PRKAA1: variants seen among roughly 807,000 people sequenced by gnomAD.
The protein encoded by PRKAA1 is 5'-AMP-activated protein kinase catalytic subunit alpha-1.
A neutral mutation model predicts 56.9 loss-of-function variants in PRKAA1; 23 were observed. The ratio of observed to expected loss-of-function variants is 0.40; its 90% CI spans 0.29 to 0.57. The LOEUF is 0.57. Ranked by LOEUF, PRKAA1 falls within the 20% of genes least tolerant of loss-of-function variation. The pLI, the probability that PRKAA1 is intolerant of heterozygous loss-of-function variation, is 0.39. For synonymous variants in PRKAA1, 226 were observed against 227.0 expected (o/e 1.00, Z 0.04); for missense variants, 413 against 679.7 (o/e 0.61, Z 4.36).
At chr5:40,777,703 G>A (rs1744077514) in intron 1 of PRKAA1, 117 bp from the exon 2 acceptor site, 1 of 956,916 alleles carries the variant, frequency 1.0e-6, no homozygotes, top group Admixed American at 2.9e-5. Flanking sequence ...GGAGGCCGAG[G>A]CGAGTAGATC....
intron 8 of PRKAA1, chr5:40,764,309 A>G (rs560318941): frequency 4.3e-6 from 2 of 464,330 alleles, no homozygotes; most frequent in Non-Finnish European, 7.4e-6. Flanking sequence ...ACAAGATGAT[A>G]ATCTTAAAAG....
chr5:40,798,284 T>A lies in PRKAA1; in HGVS notation c.-95A>T. 1 of 708,884 alleles carries A rather than the reference T, an allele frequency of 1.4e-6. No homozygotes were observed. Among genetic ancestry groups the A allele is most frequent in the Non-Finnish European group, 2.0e-6 (1 of 503,140 alleles). The allele number at this position is 708,884 out of a possible 1,614,324, so 43.9% of individuals were successfully genotyped here. ...GCGGGAGGGCAGCCACCGAGCCGAG[T>A]CACCGCCCTGCGCCGCCAGCCCAGG... On this transcript the variant is annotated 5_prime_UTR_variant, in exon 1 of 9. Transcript: ENST00000397128.
Position 40,759,922 on chromosome 5 carries a change from A to G in PRKAA1, c.*2856T>C, listed in dbSNP as rs1743097304. The G allele has an allele frequency of 6.6e-6, 1 of 152,640 alleles. No individual in the cohort carries two copies. Among genetic ancestry groups the G allele is most frequent in the Non-Finnish European group, 1.5e-5 (1 of 68,028 alleles). 9.5% of individuals were successfully genotyped at this position (152,640 alleles called of 1,614,324 possible). A position where few individuals can be genotyped will look rare whatever the true frequency, so the allele number is the denominator to read the frequency against. On this transcript the variant is annotated 3_prime_UTR_variant, in exon 9 of 9. Transcript: ENST00000397128. ...CCAACCTGGTAGAAAAGTTCCTCTC[A>G]GTGAGAAATCATTTATTTTAATGGC... is the stretch of plus-strand genomic sequence containing the variant.
intron 1 of PRKAA1, among the ~76,000 whole-genome samples, chr5:40,779,536 C>G: frequency 6.6e-6 from 1 of 152,020 alleles, no homozygotes; most frequent in East Asian, 1.9e-4. Flanking sequence ...ATAATAGGAA[C>G]AGAGAAAATG....
Position 40,759,677 on chromosome 5 carries a change from G to A in PRKAA1, c.*3101C>T, listed in dbSNP as rs1247738714. 1 of 152,278 alleles carries A rather than the reference G, an allele frequency of 6.6e-6. No individual in the cohort carries two copies. The highest frequency in any genetic ancestry group is 2.4e-5 in the African/African-American group (1 of 41,420). 9.4% of individuals were successfully genotyped at this position (152,278 alleles called of 1,614,324 possible). A position where few individuals can be genotyped will look rare whatever the true frequency, so the allele number is the denominator to read the frequency against. The stretch of plus-strand genomic sequence containing the variant: ...GCCAGTCAGAACACAGATCCATGGA[G>A]TTCCACATCTAGCCCCAGGCTACCA... On this transcript the variant is annotated 3_prime_UTR_variant, in exon 9 of 9. Coordinates refer to ENST00000397128, the MANE Select transcript of PRKAA1 (RefSeq NM_006251.6).
At chr5:40,767,827 A>G (rs946142985) in intron 5 of PRKAA1, 137 bp from the exon 6 acceptor site, 35 of 708,296 alleles carry the variant, frequency 4.9e-5, no homozygotes, top group Non-Finnish European at 7.4e-5. Flanking sequence ...ACATGTTACA[A>G]CGTTAATTCC....
intron 6 of PRKAA1, among the ~76,000 whole-genome samples, chr5:40,765,804 A>G (rs1382889334): frequency 6.6e-6 from 1 of 152,190 alleles, no homozygotes; most frequent in Non-Finnish European, 1.5e-5. Context: ...AAGTGACAGA[A>G]CCAGGATTAT....
chr5:40,792,876 G>A (rs1423359487), intron 1 of PRKAA1, among the ~76,000 whole-genome samples: 1 of 151,362 alleles, frequency 6.6e-6, no homozygotes, highest in Non-Finnish European at 1.5e-5. Context: ...TAACCTGGCC[G>A]ACGTGGTGAA....
intron 1 of PRKAA1, among the ~76,000 whole-genome samples, chr5:40,782,209 A>G (rs1316014051): frequency 2.0e-5 from 3 of 152,188 alleles, no homozygotes; most frequent in Non-Finnish European, 4.4e-5. Context: ...CCAAACTCCT[A>G]TGATACCCTG....
chr5:40,768,896 T>G (rs1743595522), intron 5 of PRKAA1: 7 of 1,564,678 alleles, frequency 4.5e-6, no homozygotes, highest in Admixed American at 1.7e-5. Context: ...ATGCTGGTAG[T>G]TAGTAAATTG....
intron 1 of PRKAA1, among the ~76,000 whole-genome samples, chr5:40,792,780 A>C (rs1392042513): frequency 6.6e-6 from 1 of 152,132 alleles, no homozygotes; most frequent in Non-Finnish European, 1.5e-5. Context: ...TTACGAACTT[A>C]GGCCAAGCAT....
intron 1 of PRKAA1, among the ~76,000 whole-genome samples, chr5:40,778,881 A>T (rs1274493687): frequency 1.4e-5 from 2 of 140,460 alleles, no homozygotes; most frequent in African/African-American, 5.4e-5. Context: ...TAACCTCCCC[A>T]GGCTCAGGTG....
intron 2 of PRKAA1, 141 bp from the exon 3 acceptor site, chr5:40,775,644 A>G: frequency 1.6e-6 from 1 of 614,056 alleles, no homozygotes; most frequent in African/African-American, 1.9e-5. Context: ...CTCTGCTCTC[A>G]TGGAGTTCAT....
chr5:40,768,457 T>C (rs1324566453), intron 5 of PRKAA1: 2 of 928,978 alleles, frequency 2.2e-6, no homozygotes, highest in Non-Finnish European at 2.6e-6. Context: ...AATTGTTTTA[T>C]TCCTAAAAGA....
intron 3 of PRKAA1, among the ~76,000 whole-genome samples, chr5:40,774,578 G>C (rs1743906994): frequency 6.9e-6 from 1 of 145,644 alleles, no homozygotes; most frequent in South Asian, 2.2e-4. Flanking sequence ...TTTTGGTAAG[G>C]AGAAGCAGGA....
chr5:40,789,334 A>G (rs747563584), intron 1 of PRKAA1, among the ~76,000 whole-genome samples: 1 of 152,258 alleles, frequency 6.6e-6, no homozygotes, highest in African/African-American at 2.4e-5. Flanking sequence ...CACACCTGTT[A>G]GACTGGCTAT....
At chr5:40,797,697 T>C (rs1170898326) in intron 1 of PRKAA1, among the ~76,000 whole-genome samples, 2 of 152,210 alleles carry the variant, frequency 1.3e-5, no homozygotes, top group African/African-American at 2.4e-5. Context: ...GCGCACAAGA[T>C]GCCGCCTCCC....
intron 1 of PRKAA1, among the ~76,000 whole-genome samples, chr5:40,790,870 A>G (rs544132701): frequency 2.6e-5 from 4 of 152,304 alleles, no homozygotes; most frequent in Admixed American, 2.6e-4. Context: ...AAAATATGGC[A>G]TCTAATAGCT....
At chr5:40,787,028 T>C (rs1045932898) in intron 1 of PRKAA1, among the ~76,000 whole-genome samples, 11 of 151,594 alleles carry the variant, frequency 7.3e-5, no homozygotes, top group African/African-American at 1.7e-4. Context: ...AAGACACTAA[T>C]GAGTGACAGG....
Sources: gnomAD v4.1 joint callset for allele counts (sites outside exome capture counted in the v4.1 genomes callset) on GRCh38, gnomAD v4.1.1 for gene constraint, MANE v1.5 for transcripts, NCBI Gene and HGNC (gene_info 2026-07-23, HGNC 2026-07-21) for gene names.